Variants in PLXDC2 observed in about 807,000 individuals in gnomAD.
PLXDC2 encodes the protein plexin domain containing 2.
In PLXDC2, 40 loss-of-function variants were observed where a neutral mutation model predicts 68.9. The ratio of observed to expected loss-of-function variants is 0.58; its 90% CI spans 0.45 to 0.76. The LOEUF (loss-of-function observed/expected upper bound fraction) is 0.76. Among genes scored for constraint, PLXDC2 ranks in the 30% least tolerant of loss-of-function variants. The pLI is 0.00. For missense variants in PLXDC2, 644 were observed against 661.9 expected (o/e 0.97, Z 0.30); for synonymous variants, 243 against 234.2 (o/e 1.04, Z -0.34).
chr10:20,215,473 G>T (rs1441548398), intron 10 of PLXDC2, among the ~76,000 whole-genome samples: 2 of 151,936 alleles, frequency 1.3e-5, no homozygotes, highest in Non-Finnish European at 1.5e-5. Flanking sequence ...GAGGGAGGCA[G>T]TCCCTCTTCT....
chr10:20,189,476 CATATATATAT>C (rs59999548), intron 9 of PLXDC2, among the ~76,000 whole-genome samples: 6 of 75,808 alleles, frequency 7.9e-5, no homozygotes, highest in African/African-American at 2.0e-4. Context: ...AAAGGTAGGC[CATATATATAT>C]ATATATATAT....
At chr10:20,000,460 C>G (rs996091143) in intron 1 of PLXDC2, among the ~76,000 whole-genome samples, 2 of 151,834 alleles carry the variant, frequency 1.3e-5, no homozygotes, top group African/African-American at 4.8e-5. Flanking sequence ...GGTAGTGTTT[C>G]TCTCTGGTAT....
intron 13 of PLXDC2, among the ~76,000 whole-genome samples, chr10:20,270,964 A>AC (rs1835932215): frequency 6.6e-6 from 1 of 151,862 alleles, no homozygotes; most frequent in Non-Finnish European, 1.5e-5. Context: ...ACTGGAAAAA[A>AC]AAAAGGAATG....
intron 4 of PLXDC2, among the ~76,000 whole-genome samples, chr10:20,120,021 A>C (rs1438740673): frequency 6.6e-6 from 1 of 152,176 alleles, no homozygotes; most frequent in East Asian, 1.9e-4. Context: ...AAGAGTTAAG[A>C]GTGGCAGTTT....
At chr10:19,900,465 C>G (rs1033352851) in intron 1 of PLXDC2, among the ~76,000 whole-genome samples, 10 of 152,024 alleles carry the variant, frequency 6.6e-5, no homozygotes, top group African/African-American at 2.2e-4. Flanking sequence ...TTTTCCTCAA[C>G]TTTAGGTGAG....
At chr10:20,062,202 G>T (rs1379695792) in intron 3 of PLXDC2, among the ~76,000 whole-genome samples, 1 of 152,182 alleles carries the variant, frequency 6.6e-6, no homozygotes, top group Admixed American at 6.5e-5. Context: ...GAGGTGGGCG[G>T]ATCACGAGGT....
chr10:19,988,841 G>T (rs1214609708), intron 1 of PLXDC2, among the ~76,000 whole-genome samples: 1 of 120,732 alleles, frequency 8.3e-6, no homozygotes, highest in African/African-American at 3.2e-5. Context: ...GGTTGCTCAG[G>T]CTGGAGTGCA....
intron 1 of PLXDC2, among the ~76,000 whole-genome samples, chr10:19,952,753 C>T (rs1834010393): frequency 6.6e-6 from 1 of 152,150 alleles, no homozygotes; most frequent in African/African-American, 2.4e-5. Flanking sequence ...TAAGTGAGAT[C>T]TGTAGAAGAA....
intron 3 of PLXDC2, among the ~76,000 whole-genome samples, chr10:20,058,226 G>A (rs1200403919): frequency 3.3e-5 from 5 of 152,082 alleles, no homozygotes; most frequent in Non-Finnish European, 1.5e-5. Context: ...TGATCAAGTT[G>A]GAGCATTTAG....
intron 7 of PLXDC2, among the ~76,000 whole-genome samples, chr10:20,166,707 G>GA (rs1834379607): frequency 1.3e-5 from 2 of 151,848 alleles, no homozygotes; most frequent in Non-Finnish European, 1.5e-5. Flanking sequence ...ATTGCTTAAA[G>GA]AAAAAAACAC....
intron 12 of PLXDC2, among the ~76,000 whole-genome samples, chr10:20,225,623 G>A (rs938669554): frequency 1.3e-5 from 2 of 152,188 alleles, no homozygotes. Flanking sequence ...GATTTCCCTG[G>A]AATTTAGGAT....
At chr10:20,179,131 G>A (rs1834567502) in intron 9 of PLXDC2, among the ~76,000 whole-genome samples, 2 of 152,166 alleles carry the variant, frequency 1.3e-5, no homozygotes, top group South Asian at 4.1e-4. Context: ...AATTAAATAG[G>A]AGGCACTGGT....
At chr10:20,043,681 A>G (rs1378710349) in intron 2 of PLXDC2, among the ~76,000 whole-genome samples, 3 of 152,078 alleles carry the variant, frequency 2.0e-5, no homozygotes, top group Admixed American at 6.6e-5. Context: ...TTTAACCTCA[A>G]TGTTCCTGAA....
intron 13 of PLXDC2, among the ~76,000 whole-genome samples, chr10:20,279,225 G>A (rs1224858035): frequency 6.6e-6 from 1 of 152,142 alleles, no homozygotes; most frequent in Non-Finnish European, 1.5e-5. Flanking sequence ...GAAGTCTGGT[G>A]CCTAATTGAA....
intron 12 of PLXDC2, among the ~76,000 whole-genome samples, chr10:20,229,863 T>A (rs1027795336): frequency 6.6e-6 from 1 of 152,188 alleles, no homozygotes; most frequent in African/African-American, 2.4e-5. Context: ...ATTAACAACT[T>A]GTTGGATAAA....
chr10:20,004,712 T>C (rs1378852820), intron 2 of PLXDC2, among the ~76,000 whole-genome samples: 1 of 152,224 alleles, frequency 6.6e-6, no homozygotes, highest in African/African-American at 2.4e-5. Context: ...CTGAATTTTC[T>C]TAATCATTTA....
At chr10:20,029,360 T>G (rs1312600475) in intron 2 of PLXDC2, among the ~76,000 whole-genome samples, 1 of 152,148 alleles carries the variant, frequency 6.6e-6, no homozygotes, top group Non-Finnish European at 1.5e-5. Context: ...AATCCATGCA[T>G]CATGAATACT....
chr10:19,978,186 G>T (rs1834490725), intron 1 of PLXDC2, among the ~76,000 whole-genome samples: 1 of 152,016 alleles, frequency 6.6e-6, no homozygotes, highest in Non-Finnish European at 1.5e-5. Context: ...CCCTATACCT[G>T]GATTTTAGTG....
intron 12 of PLXDC2, among the ~76,000 whole-genome samples, chr10:20,223,678 A>G (rs144114887): frequency 4.9e-4 from 75 of 152,210 alleles, no homozygotes; most frequent in African/African-American, 1.7e-3. Flanking sequence ...TTTACCTACT[A>G]TAGTTCACCT....
Sources: allele counts gnomAD v4.1 joint callset (sites outside exome capture counted in the v4.1 genomes callset), GRCh38; gene constraint gnomAD v4.1.1; transcripts MANE v1.5; gene names NCBI Gene and HGNC (gene_info 2026-07-23, HGNC 2026-07-21).